TRAPPC9: variants seen among roughly 807,000 people sequenced by gnomAD.
TRAPPC9 encodes trafficking protein particle complex subunit 9, also known as IKK2 binding protein.
Under a neutral mutation model 124.0 loss-of-function variants are expected in TRAPPC9, and 83 were observed. The observed-to-expected ratio is 0.67, with a 90% CI of 0.56 to 0.80. TRAPPC9 has a LOEUF of 0.80. TRAPPC9 is among the 30% of genes least tolerant of loss of function. The pLI is 0.00. For missense variants in TRAPPC9, 1,302 were observed against 1,508.3 expected (o/e 0.86, Z 2.27); for synonymous variants, 638 against 617.5 (o/e 1.03, Z -0.49).
At chr8:139,939,970 C>T (rs111322243) in intron 19 of TRAPPC9, among the ~76,000 whole-genome samples, 2,018 of 152,292 alleles carry the variant, frequency 0.013, 45 homozygotes, top group African/African-American at 0.046. Context: ...GAACCAGAAA[C>T]GAGATTGAAT....
intron 19 of TRAPPC9, among the ~76,000 whole-genome samples, chr8:139,920,244 G>A (rs994161019): frequency 6.6e-6 from 1 of 152,224 alleles, no homozygotes; most frequent in Non-Finnish European, 1.5e-5. Flanking sequence ...TACTCTGGAG[G>A]CTGAGGCAGG....
intron 8 of TRAPPC9, among the ~76,000 whole-genome samples, chr8:140,369,823 G>T (rs550684064): frequency 6.6e-5 from 10 of 152,136 alleles, no homozygotes; most frequent in African/African-American, 2.2e-4. Flanking sequence ...GTGGTAGCAC[G>T]TGCCTGTAAT....
intron 4 of TRAPPC9, among the ~76,000 whole-genome samples, chr8:140,428,277 C>G (rs1290776745): frequency 2.0e-5 from 3 of 152,164 alleles, no homozygotes; most frequent in Non-Finnish European, 4.4e-5. Flanking sequence ...TCACATTAAC[C>G]AAACTTGTAA....
intron 20 of TRAPPC9, among the ~76,000 whole-genome samples, chr8:139,894,965 G>T (rs542016774): frequency 6.6e-6 from 1 of 152,214 alleles, no homozygotes; most frequent in Non-Finnish European, 1.5e-5. Context: ...TGGGCACTAC[G>T]ACAAGGGCTG....
intron 17 of TRAPPC9, among the ~76,000 whole-genome samples, chr8:140,106,681 A>T (rs1260238240): frequency 1.3e-5 from 2 of 152,200 alleles, no homozygotes; most frequent in Non-Finnish European, 2.9e-5. Flanking sequence ...CAGCTGGGTG[A>T]CCTTGAAAAG....
intron 21 of TRAPPC9, among the ~76,000 whole-genome samples, chr8:139,817,060 A>ACG (rs1019923578): frequency 2.0e-4 from 30 of 151,622 alleles, no homozygotes; most frequent in African/African-American, 7.0e-4. Flanking sequence ...ACACACACAC[A>ACG]CACACACACA....
intron 9 of TRAPPC9, among the ~76,000 whole-genome samples, chr8:140,344,414 C>A (rs1002934481): frequency 6.6e-6 from 1 of 152,228 alleles, no homozygotes; most frequent in South Asian, 2.1e-4. Flanking sequence ...TGACTTTCCC[C>A]TGCTGCACGG....
intron 21 of TRAPPC9, among the ~76,000 whole-genome samples, chr8:139,774,531 C>G (rs891732872): frequency 6.6e-6 from 1 of 152,192 alleles, no homozygotes; most frequent in Non-Finnish European, 1.5e-5. Flanking sequence ...CTGGAGAGAC[C>G]CCCTTCCCGC....
intron 18 of TRAPPC9, among the ~76,000 whole-genome samples, chr8:140,017,292 T>C (rs1195505015): frequency 1.3e-5 from 2 of 152,170 alleles, no homozygotes; most frequent in East Asian, 3.8e-4. Flanking sequence ...TCTAAGAAAA[T>C]ATTTGCCCCT....
intron 21 of TRAPPC9, among the ~76,000 whole-genome samples, chr8:139,760,774 AT>A (rs1820167324): frequency 6.6e-6 from 1 of 152,140 alleles, no homozygotes; most frequent in Non-Finnish European, 1.5e-5. Context: ...AGAAACCCCC[AT>A]TTTTAAAACC....
Position 139,910,174 on chromosome 8 carries a change from G to A in TRAPPC9, c.2937C>T (p.His979=). The A allele has an allele frequency of 1.2e-6, 2 of 1,613,836 alleles. No homozygotes were observed. Among genetic ancestry groups the A allele is most frequent in the Middle Eastern group, 1.6e-4 (1 of 6,062 alleles). The part of the protein sequence containing the change: ...ERREARGLEI[H]SKLGICWRIP... ...TTCTCCAGCAGATGCCCAGCTTGCTGTGGATCTCCAGGCCTCGGGCTTCCC... is the reference window on the plus strand; with the variant it reads ...TTCTCCAGCAGATGCCCAGCTTGCTATGGATCTCCAGGCCTCGGGCTTCCC... The change falls in exon 20 of 23, where the codon CAC becomes CAT. Residue 979 remains histidine (H), a synonymous_variant. Coordinates refer to ENST00000438773, the MANE Select transcript of TRAPPC9 (RefSeq NM_001160372.4).
At position 140,371,152 on chromosome 8, in the gene TRAPPC9, T is replaced by C; in HGVS notation, c.1163A>G (p.Tyr388Cys). Residue 388 changes from tyrosine to cysteine, a missense_variant, in exon 8 of 23, where the codon TAC (tyrosine) becomes TGC (cysteine). Physicochemically the swap from Tyr to Cys is radical, Grantham distance 194 (BLOSUM62 -2). This residue lies in a region of TRAPPC9 where 657 missense variants were observed against 811.2 expected (regional missense o/e 0.81). Transcript: ENST00000438773. Reference protein sequence around the residue: ...QLSEEEKIQRYSILSELYELI... With the variant: ...QLSEEEKIQRCSILSELYELI... ...CTCATAGAGCTCGGAGAGGATGCTG[T>C]AGCGCTGAATTTTCTCTTCCTCAGA... 1 of 1,613,686 alleles carries C rather than the reference T, an allele frequency of 6.2e-7. No homozygotes were observed. Among genetic ancestry groups the C allele is most frequent in the South Asian group, 1.1e-5 (1 of 91,012 alleles).
intron 21 of TRAPPC9, among the ~76,000 whole-genome samples, chr8:139,864,786 C>T (rs534514192): frequency 5.9e-5 from 9 of 152,208 alleles, no homozygotes; most frequent in Non-Finnish European, 8.8e-5. Flanking sequence ...AAAAGAAAAG[C>T]GCTTGGACCC....
At chr8:140,045,152 A>C (rs1841504050) in intron 17 of TRAPPC9, among the ~76,000 whole-genome samples, 1 of 152,222 alleles carries the variant, frequency 6.6e-6, no homozygotes, top group East Asian at 1.9e-4. Flanking sequence ...GGAGGTGAGG[A>C]GTCTGAAGGC....
intron 2 of TRAPPC9, among the ~76,000 whole-genome samples, chr8:140,443,672 A>C (rs1588367536): frequency 6.6e-6 from 1 of 152,264 alleles, no homozygotes; most frequent in African/African-American, 2.4e-5. Flanking sequence ...AAGCCGAGGC[A>C]GGCAGATCAT....
chr8:140,186,354 C>T (rs1021440493), intron 17 of TRAPPC9, among the ~76,000 whole-genome samples: 3 of 152,122 alleles, frequency 2.0e-5, no homozygotes, highest in African/African-American at 7.2e-5. Context: ...GAGGCCAAGG[C>T]AGGTGGATTA....
At chr8:140,377,989 G>A (rs1037669274) in intron 7 of TRAPPC9, among the ~76,000 whole-genome samples, 11 of 152,086 alleles carry the variant, frequency 7.2e-5, no homozygotes, top group Non-Finnish European at 1.6e-4. Flanking sequence ...ATACTTAAAT[G>A]AGACCTTGGG....
intron 21 of TRAPPC9, among the ~76,000 whole-genome samples, chr8:139,873,898 T>G (rs1829156908): frequency 6.6e-6 from 1 of 152,164 alleles, no homozygotes; most frequent in Non-Finnish European, 1.5e-5. Context: ...GGTGCCACAT[T>G]CTGTGCTGGC....
chr8:140,310,359 A>G (rs547001199), intron 10 of TRAPPC9, among the ~76,000 whole-genome samples: 3 of 152,266 alleles, frequency 2.0e-5, no homozygotes, highest in East Asian at 3.9e-4. Flanking sequence ...TTTTAAAGAT[A>G]CTTAGCATCT....
Sources: gnomAD v4.1 joint callset for allele counts (sites outside exome capture counted in the v4.1 genomes callset) on GRCh38, gnomAD v4.1.1 for gene constraint, gnomAD v4.1.1 regional missense constraint, MANE v1.5 for transcripts, NCBI Gene and HGNC (gene_info 2026-07-23, HGNC 2026-07-21) for gene names.